The following ADAM12 variants were observed in gnomAD, a reference collection of about 807,000 sequenced individuals.
The protein encoded by ADAM12 is disintegrin and metalloproteinase domain-containing protein 12.
Under a neutral mutation model 106.4 loss-of-function variants are expected in ADAM12, and 70 were observed. The ratio of observed to expected loss-of-function variants is 0.66; its 90% CI spans 0.54 to 0.80. The LOEUF is 0.80. Among genes scored for constraint, ADAM12 ranks in the 30% least tolerant of loss-of-function variants. ADAM12 has a pLI of 0.00. For synonymous variants in ADAM12, 420 were observed against 433.5 expected, an observed-to-expected ratio of 0.97 and a Z score of 0.39; for missense variants, 1,010 against 1,171.9, an observed-to-expected ratio of 0.86 and a Z score of 2.02.
intron 5 of ADAM12, among the ~76,000 whole-genome samples, chr10:126,118,673 G>A (rs1445400785): frequency 6.6e-6 from 1 of 152,194 alleles, no homozygotes; most frequent in Non-Finnish European, 1.5e-5. Context: ...GATAAATTGT[G>A]TAATGGTGAA....
intron 4 of ADAM12, among the ~76,000 whole-genome samples, chr10:126,146,585 T>C (rs1220074122): frequency 6.6e-6 from 1 of 152,130 alleles, no homozygotes; most frequent in Non-Finnish European, 1.5e-5. Context: ...TGCAATTTAG[T>C]TCACTGCAAC....
At chr10:126,316,018 C>T (rs1479207986) in intron 2 of ADAM12, among the ~76,000 whole-genome samples, 4 of 152,142 alleles carry the variant, frequency 2.6e-5, no homozygotes, top group East Asian at 1.9e-4. Context: ...TGAATAGGCA[C>T]GACCAGAGAT....
chr10:126,267,984 A>G (rs1345152288), intron 3 of ADAM12, among the ~76,000 whole-genome samples: 5 of 152,140 alleles, frequency 3.3e-5, no homozygotes, highest in Admixed American at 1.3e-4. Context: ...CATAAAATTT[A>G]TAATTTTAAC....
At chr10:126,112,316 C>T (rs576044753) in intron 6 of ADAM12, among the ~76,000 whole-genome samples, 9 of 149,276 alleles carry the variant, frequency 6.0e-5, no homozygotes, top group Admixed American at 2.7e-4. Context: ...CAAACCTGCA[C>T]GTTTTGCACA....
chr10:126,346,327 C>T (rs757479288), intron 1 of ADAM12, among the ~76,000 whole-genome samples: 18 of 152,226 alleles, frequency 1.2e-4, no homozygotes, highest in Non-Finnish European at 2.4e-4. Context: ...TGTAGCTGAG[C>T]GGTTTTTAGT....
intron 3 of ADAM12, among the ~76,000 whole-genome samples, chr10:126,204,072 C>T (rs1218636815): frequency 2.6e-5 from 4 of 152,146 alleles, no homozygotes; most frequent in South Asian, 2.1e-4. Context: ...CTGCCAGTGG[C>T]GAATGCTTTG....
chr10:126,281,344 A>C (rs1024888032), intron 2 of ADAM12, among the ~76,000 whole-genome samples: 1 of 152,224 alleles, frequency 6.6e-6, no homozygotes, highest in Non-Finnish European at 1.5e-5. Flanking sequence ...CAATGCACAG[A>C]TCACATACCT....
intron 4 of ADAM12, among the ~76,000 whole-genome samples, chr10:126,150,582 C>T (rs528199130): frequency 6.6e-6 from 1 of 152,258 alleles, no homozygotes; most frequent in East Asian, 1.9e-4. Flanking sequence ...CCCTCTATCC[C>T]CTGATCCTGT....
Position 126,385,912 on chromosome 10 carries a change from T to C in ADAM12, c.88+2146A>G, listed in dbSNP as rs78245499. On this transcript the variant is annotated intron_variant, in intron 1 of 22. Coordinates refer to ENST00000448723, the MANE Select transcript of ADAM12 (RefSeq NM_001288973.2). ...ACTTTGGCTCTATTGTGGAGGAAAA[T>C]ATACCATGCAGGGATAAGGTGAAAA... Among the ~76,000 whole-genome samples the C allele has an allele frequency of 4.7e-3, 716 of 152,182 alleles. 5 individuals carry two copies. The highest frequency in any genetic ancestry group is 6.8e-3 in the Non-Finnish European group (463 of 68,004).
intron 3 of ADAM12, among the ~76,000 whole-genome samples, chr10:126,234,325 T>C (rs1289681877): frequency 6.6e-6 from 1 of 152,234 alleles, no homozygotes; most frequent in East Asian, 1.9e-4. Context: ...TAAAACTGCA[T>C]ATGTTAATAA....
In ADAM12 at chr10:126,292,268, GTCA is replaced by G. The variant is rs1403238677; in HGVS notation, c.187-13283_187-13281del. 2.0e-5 allele frequency among the ~76,000 whole-genome samples: 3 copies of G among 152,080 alleles called. 1 individual carries two copies. The highest frequency in any genetic ancestry group is 7.2e-5 in the African/African-American group (3 of 41,498). ...TTGTGACCCCCTTGTTTTTCCTATT[GTCA>G]TCATCATCCTTTTGGCTCCCATTGG... On this transcript the variant is annotated intron_variant, in intron 2 of 22. Transcript: ENST00000448723.
chr10:126,031,289 C>G (rs879340031), intron 21 of ADAM12, among the ~76,000 whole-genome samples: 1 of 152,222 alleles, frequency 6.6e-6, no homozygotes, highest in Admixed American at 6.5e-5. Flanking sequence ...TACAAATTGG[C>G]ATTTCTGATG....
intron 3 of ADAM12, among the ~76,000 whole-genome samples, chr10:126,172,915 T>C (rs1957145339): frequency 6.6e-6 from 1 of 152,206 alleles, no homozygotes; most frequent in Admixed American, 6.5e-5. Context: ...CACCATGGAA[T>C]ACTATGCAGC....
At chr10:126,102,917 T>C (rs1407301720) in intron 8 of ADAM12, among the ~76,000 whole-genome samples, 1 of 152,036 alleles carries the variant, frequency 6.6e-6, no homozygotes, top group Non-Finnish European at 1.5e-5. Flanking sequence ...AAGGTAACAG[T>C]GATCAGAAAG....
At chr10:126,346,079 G>C (rs750032578) in intron 1 of ADAM12, among the ~76,000 whole-genome samples, 6 of 152,018 alleles carry the variant, frequency 3.9e-5, no homozygotes, top group Non-Finnish European at 5.9e-5. Flanking sequence ...GAATTTGTTT[G>C]CTCTTGCTTC....
intron 9 of ADAM12, among the ~76,000 whole-genome samples, chr10:126,100,852 G>A (rs986678469): frequency 1.3e-5 from 2 of 152,174 alleles, no homozygotes; most frequent in Non-Finnish European, 2.9e-5. Flanking sequence ...TTCTGTAGAG[G>A]GACAGGTTTT....
chr10:126,263,109 T>C (rs555691221), intron 3 of ADAM12, among the ~76,000 whole-genome samples: 1 of 152,308 alleles, frequency 6.6e-6, no homozygotes, highest in South Asian at 2.1e-4. Flanking sequence ...CTCGTAGGAA[T>C]TGTTTAATTT....
chr10:126,146,511 C>T (rs757590600), intron 4 of ADAM12, among the ~76,000 whole-genome samples: 2 of 152,158 alleles, frequency 1.3e-5, no homozygotes, highest in Non-Finnish European at 1.5e-5. Context: ...CATATCCCTC[C>T]CGTGCACATG....
At chr10:126,384,500 C>T (rs909965269) in intron 1 of ADAM12, among the ~76,000 whole-genome samples, 1 of 151,956 alleles carries the variant, frequency 6.6e-6, no homozygotes, top group Non-Finnish European at 1.5e-5. Flanking sequence ...TAAGGGTAGT[C>T]CTGAGATAAC....
Sources: gnomAD v4.1 joint callset for allele counts (sites outside exome capture counted in the v4.1 genomes callset) on GRCh38, gnomAD v4.1.1 for gene constraint, MANE v1.5 for transcripts, NCBI Gene and HGNC (gene_info 2026-07-23, HGNC 2026-07-21) for gene names.